Variants in DOK5 observed in about 807,000 individuals in gnomAD.
The protein encoded by DOK5 is docking protein 5, also known as downstream of tyrosine kinase 5.
In DOK5, 27 loss-of-function variants were observed where a neutral mutation model predicts 43.3. That is an observed-to-expected ratio of 0.62 (90% CI 0.46 to 0.86). The LOEUF (loss-of-function observed/expected upper bound fraction) is 0.86, where lower values mean the gene tolerates loss of function less well. Ranked by LOEUF, DOK5 falls within the 40% of genes least tolerant of loss-of-function variation. DOK5 has a pLI of 0.00. For synonymous variants in DOK5, 146 were observed against 140.1 expected, an observed-to-expected ratio of 1.04 and a Z score of -0.30; for missense variants, 373 against 392.9, an observed-to-expected ratio of 0.95 and a Z score of 0.43.
rs186465963 is a variant in DOK5 at position 54,505,658 on chromosome 20, G to A, written c.66+29646G>A. 6.9e-3 allele frequency among the ~76,000 whole-genome samples: 1,041 copies of A among 151,460 alleles called. 4 individuals carry two copies. Among genetic ancestry groups the A allele is most frequent in the Non-Finnish European group, 8.7e-3 (593 of 68,006 alleles). ...TGCAGGAAATAAAGAGAAAGAGAGA[G>A]AAAGAGAGAGTATAGGGGGTGGGAG... On this transcript the variant is annotated intron_variant, in intron 1 of 7. Coordinates refer to ENST00000262593, the MANE Select transcript of DOK5 (RefSeq NM_018431.5).
chr20:54,550,373 T>C (rs1984488977), intron 1 of DOK5, among the ~76,000 whole-genome samples: 1 of 152,224 alleles, frequency 6.6e-6, no homozygotes, highest in African/African-American at 2.4e-5. Flanking sequence ...CTATACCCTC[T>C]ACTCAGTTTC....
chr20:54,495,434 C>G (rs891031552), intron 1 of DOK5, among the ~76,000 whole-genome samples: 1 of 152,124 alleles, frequency 6.6e-6, no homozygotes, highest in African/African-American at 2.4e-5. Flanking sequence ...GGGTATTTGG[C>G]CATCAAGTAG....
chr20:54,475,778 A>G lies in DOK5; in HGVS notation c.-169A>G, dbSNP rs1004219271. 1.8e-5 allele frequency: 14 copies of G among 779,548 alleles called. No homozygotes were observed. The East Asian group carries it at 3.3e-4, about 18-fold the overall frequency. The allele number at this position is 779,548 out of a possible 1,614,324, so 48.3% of individuals were successfully genotyped here. On this transcript the variant is annotated 5_prime_UTR_variant, in exon 1 of 8. Transcript: ENST00000262593. This position sits in a 1 kb window ranked among gnomAD's most constrained non-coding sequence, Gnocchi z 4.2. The stretch of plus-strand genomic sequence containing the variant: ...GCCGCCCACTGTCAGGGTTGGGGGG[A>G]CAGAGAAAGTGATGTGCGCCTTCTA...
intron 7 of DOK5, among the ~76,000 whole-genome samples, chr20:54,644,723 A>AAACAAAAAAAAAAAC (rs1555839841): frequency 1.8e-4 from 26 of 142,476 alleles, no homozygotes; most frequent in African/African-American, 7.1e-4. Context: ...AAAAAAAAAA[A>AAACAAAAAAAAAAAC]ACAAAATTTA....
In DOK5 at chr20:54,588,519, T is replaced by C; in HGVS notation, c.211T>C (p.Leu71=). ...ELNNVKNVAR[L]PKSTKKHAIG... ...CAATAATGTGAAGAACGTAGCTCGATTGCCAAAAAGCACCAAGAAACATGC... is the reference window on the plus strand; with the variant it reads ...CAATAATGTGAAGAACGTAGCTCGACTGCCAAAAAGCACCAAGAAACATGC... The change falls in exon 3 of 8, where the codon TTG becomes CTG. Residue 71 remains leucine (L), a synonymous_variant. Coordinates refer to ENST00000262593, the MANE Select transcript of DOK5 (RefSeq NM_018431.5). 4 of 1,614,156 alleles carry C rather than the reference T, an allele frequency of 2.5e-6. No homozygotes were observed. Among genetic ancestry groups the C allele is most frequent in the Non-Finnish European group, 8.5e-7 (1 of 1,179,994 alleles).
At chr20:54,496,262 A>G (rs1024657826) in intron 1 of DOK5, among the ~76,000 whole-genome samples, 1 of 152,212 alleles carries the variant, frequency 6.6e-6, no homozygotes, top group Non-Finnish European at 1.5e-5. Context: ...CAAAGTTAGA[A>G]ATACCAGTTT....
At chr20:54,528,170 G>T (rs1303514920) in intron 1 of DOK5, among the ~76,000 whole-genome samples, 1 of 152,156 alleles carries the variant, frequency 6.6e-6, no homozygotes, top group African/African-American at 2.4e-5. Context: ...TCGTACCATT[G>T]CATCCAGCCT....
chr20:54,628,324 G>T (rs1978393092), intron 6 of DOK5, among the ~76,000 whole-genome samples: 1 of 145,562 alleles, frequency 6.9e-6, no homozygotes, highest in Admixed American at 7.0e-5. Flanking sequence ...CAGGAGAATG[G>T]CGTGAACCCG....
chr20:54,638,471 C>A (rs925145671), intron 6 of DOK5, among the ~76,000 whole-genome samples: 2 of 152,116 alleles, frequency 1.3e-5, no homozygotes, highest in Non-Finnish European at 2.9e-5. Flanking sequence ...GATCAGAGCC[C>A]CCCAATCTAA....
At chr20:54,515,153 G>A (rs1209599032) in intron 1 of DOK5, among the ~76,000 whole-genome samples, 1 of 151,942 alleles carries the variant, frequency 6.6e-6, no homozygotes, top group Admixed American at 6.5e-5. Context: ...TGGGATTACA[G>A]GCGCCCGCCA....
intron 1 of DOK5, among the ~76,000 whole-genome samples, chr20:54,488,583 A>G (rs1217598936): frequency 6.6e-6 from 1 of 152,162 alleles, no homozygotes; most frequent in Admixed American, 6.5e-5. Flanking sequence ...GAGGGAATGA[A>G]CAAGATAGCC....
At chr20:54,649,600 A>G (rs923555084) in intron 7 of DOK5, among the ~76,000 whole-genome samples, 14 of 152,002 alleles carry the variant, frequency 9.2e-5, no homozygotes, top group African/African-American at 2.4e-4. Context: ...AGCCGTGTAC[A>G]TTTCTTTGCT....
intron 1 of DOK5, among the ~76,000 whole-genome samples, chr20:54,497,501 A>G (rs1221317177): frequency 6.6e-6 from 1 of 152,222 alleles, no homozygotes; most frequent in African/African-American, 2.4e-5. Context: ...GGCATAATCT[A>G]TTATAAGATT....
chr20:54,569,120 T>A (rs1366524566), intron 2 of DOK5, among the ~76,000 whole-genome samples: 1 of 152,044 alleles, frequency 6.6e-6, no homozygotes, highest in Non-Finnish European at 1.5e-5. Flanking sequence ...CACACACATA[T>A]AAATTAGTTT....
chr20:54,589,137 A>G (rs1191575639), intron 4 of DOK5, among the ~76,000 whole-genome samples: 1 of 152,190 alleles, frequency 6.6e-6, no homozygotes, highest in South Asian at 2.1e-4. Context: ...AGGTATAATT[A>G]CTTCCTACGT....
chr20:54,554,142 T>C (rs1056241122), intron 1 of DOK5, among the ~76,000 whole-genome samples: 4 of 152,154 alleles, frequency 2.6e-5, no homozygotes, highest in Non-Finnish European at 4.4e-5. Flanking sequence ...GTGATGTTGA[T>C]GGTGATGGGT....
chr20:54,498,189 C>T (rs888916616), intron 1 of DOK5, among the ~76,000 whole-genome samples: 2 of 152,118 alleles, frequency 1.3e-5, no homozygotes, highest in East Asian at 1.9e-4. Context: ...ATTAGTGAGG[C>T]GGTGTTACTT....
chr20:54,597,987 T>A (rs182421237), intron 5 of DOK5, among the ~76,000 whole-genome samples: 7 of 149,346 alleles, frequency 4.7e-5, no homozygotes, highest in Non-Finnish European at 7.4e-5. Flanking sequence ...TAAATATGCC[T>A]CCTGAGCTGC....
At chr20:54,617,623 C>T (rs147752082) in intron 6 of DOK5, among the ~76,000 whole-genome samples, 1 of 152,210 alleles carries the variant, frequency 6.6e-6, no homozygotes, top group African/African-American at 2.4e-5. Flanking sequence ...CTGTACCCAG[C>T]CAGTCTGTTG....
Sources: allele counts gnomAD v4.1 joint callset (sites outside exome capture counted in the v4.1 genomes callset), GRCh38; gene constraint gnomAD v4.1.1; non-coding constraint Gnocchi (gnomAD v3.1); transcripts MANE v1.5; gene names NCBI Gene and HGNC (gene_info 2026-07-23, HGNC 2026-07-21).